Variants in NXPH2 observed in about 807,000 individuals in gnomAD.
NXPH2 encodes the protein neurexophilin 2, also known as neurexophilin-2.
In NXPH2, 5 loss-of-function variants were observed where a neutral mutation model predicts 19.8. The ratio of observed to expected loss-of-function variants is 0.25; its 90% CI spans 0.13 to 0.53. NXPH2 has a LOEUF of 0.53. Ranked by LOEUF, NXPH2 falls within the 20% of genes least tolerant of loss-of-function variation. NXPH2 has a pLI of 0.96. For synonymous variants in NXPH2, 154 were observed against 127.4 expected, an observed-to-expected ratio of 1.21 and a Z score of -1.41; for missense variants, 289 against 322.8, an observed-to-expected ratio of 0.90 and a Z score of 0.80.
At chr2:138,672,600 G>T (rs1680431267) in intron 1 of NXPH2, among the ~76,000 whole-genome samples, 1 of 152,160 alleles carries the variant, frequency 6.6e-6, no homozygotes, top group Non-Finnish European at 1.5e-5. Flanking sequence ...AATATTTATG[G>T]ATGATTTATA....
intron 1 of NXPH2, among the ~76,000 whole-genome samples, chr2:138,744,083 A>G (rs1681688876): frequency 6.6e-6 from 1 of 150,742 alleles, no homozygotes; most frequent in Non-Finnish European, 1.5e-5. Context: ...TAAATATCCT[A>G]CTCTCTTACT....
At chr2:138,777,751 C>T (rs1043844845) in intron 1 of NXPH2, among the ~76,000 whole-genome samples, 2 of 143,652 alleles carry the variant, frequency 1.4e-5, no homozygotes, top group Non-Finnish European at 3.0e-5. Flanking sequence ...TAAGTATGTT[C>T]TTCAGGCTGG....
intron 1 of NXPH2, among the ~76,000 whole-genome samples, chr2:138,686,860 T>C (rs1680664018): frequency 6.6e-6 from 1 of 152,190 alleles, no homozygotes; most frequent in Admixed American, 6.5e-5. Context: ...GCTTCATCCA[T>C]GTCCCTACAA....
At chr2:138,739,008 A>AT (rs926490505) in intron 1 of NXPH2, among the ~76,000 whole-genome samples, 105 of 151,522 alleles carry the variant, frequency 6.9e-4, no homozygotes, top group Middle Eastern at 3.4e-3. Flanking sequence ...AAACAGAGTT[A>AT]TTTTTTTTTG....
intron 1 of NXPH2, among the ~76,000 whole-genome samples, chr2:138,714,949 G>A (rs1011769241): frequency 2.0e-5 from 3 of 152,206 alleles, no homozygotes; most frequent in African/African-American, 7.2e-5. Flanking sequence ...AGAATTTCAT[G>A]AGTAGACACA....
chr2:138,758,870 GAATCTCTAT>G (rs1038907707), intron 1 of NXPH2, among the ~76,000 whole-genome samples: 1 of 152,172 alleles, frequency 6.6e-6, no homozygotes, highest in African/African-American at 2.4e-5. Context: ...ACAGCTGGTT[GAATCTCTAT>G]ATCACAATAT....
At chr2:138,744,943 G>A (rs536908718) in intron 1 of NXPH2, among the ~76,000 whole-genome samples, 17 of 152,310 alleles carry the variant, frequency 1.1e-4, no homozygotes, top group African/African-American at 2.9e-4. Flanking sequence ...TCTTAGCCAC[G>A]CAGGCTTTAG....
chr2:138,759,680 G>A (rs541030500), intron 1 of NXPH2, among the ~76,000 whole-genome samples: 4 of 151,760 alleles, frequency 2.6e-5, no homozygotes, highest in Non-Finnish European at 2.9e-5. Context: ...AAGACAAAGC[G>A]GGTATGGATA....
chr2:138,694,906 G>A (rs1017476274), intron 1 of NXPH2, among the ~76,000 whole-genome samples: 2 of 152,108 alleles, frequency 1.3e-5, no homozygotes, highest in Non-Finnish European at 2.9e-5. Flanking sequence ...AAATCATAGA[G>A]TGTACTACAT....
At chr2:138,711,603 T>C (rs1379674988) in intron 1 of NXPH2, among the ~76,000 whole-genome samples, 5 of 152,170 alleles carry the variant, frequency 3.3e-5, no homozygotes, top group Non-Finnish European at 5.9e-5. Flanking sequence ...CAGATTCTTT[T>C]ACTCAAACCT....
intron 1 of NXPH2, among the ~76,000 whole-genome samples, chr2:138,679,109 C>T (rs1346685815): frequency 2.0e-5 from 3 of 152,162 alleles, no homozygotes; most frequent in South Asian, 4.1e-4. Flanking sequence ...GGGTTGAATC[C>T]TGAACCGCAA....
chr2:138,737,182 A>G (rs1167174776), intron 1 of NXPH2, among the ~76,000 whole-genome samples: 1 of 152,116 alleles, frequency 6.6e-6, no homozygotes, highest in East Asian at 1.9e-4. Context: ...CCTGGTACCA[A>G]TTTGGTGTAT....
intron 1 of NXPH2, among the ~76,000 whole-genome samples, chr2:138,703,589 C>T (rs573770574): frequency 6.6e-5 from 10 of 152,266 alleles, no homozygotes; most frequent in Middle Eastern, 3.4e-3. Context: ...TCTAACCACA[C>T]TGAGCTTTAA....
intron 1 of NXPH2, among the ~76,000 whole-genome samples, chr2:138,770,009 A>G (rs1682152238): frequency 6.6e-6 from 1 of 152,248 alleles, no homozygotes; most frequent in South Asian, 2.1e-4. Flanking sequence ...AAGGATACAG[A>G]AACATGCATA....
At position 138,769,058 on chromosome 2, in the gene NXPH2, A is replaced by T. The variant is rs570295465; in HGVS notation, c.51+11133T>A. On this transcript the variant is annotated intron_variant, in intron 1 of 1. Transcript: ENST00000272641. ...GAGATTTAAGTCTGGGAAAGCCAGG[A>T]ATAAGAATTTAGACTCACTGTGTTC... is the stretch of plus-strand genomic sequence containing the variant. 2.0e-5 allele frequency among the ~76,000 whole-genome samples: 3 copies of T among 152,346 alleles called. No individual in the cohort carries two copies. The South Asian group carries it at 6.2e-4, about 32-fold the overall frequency.
At position 138,757,916 on chromosome 2, in the gene NXPH2, T is replaced by G. The variant is rs560753727; in HGVS notation, c.51+22275A>C. ...GAACCCTGACTGATACATACCTTAA[T>G]GAATTTTCTACCAAAGTCACGTTCC... On this transcript the variant is annotated intron_variant, in intron 1 of 1. Transcript: ENST00000272641. Among the ~76,000 whole-genome samples, 6 of 152,174 alleles carry G rather than the reference T, an allele frequency of 3.9e-5. No individual in the cohort carries two copies. The East Asian group carries it at 5.8e-4, about 15-fold the overall frequency.
At chr2:138,721,417 A>G (rs1452106134) in intron 1 of NXPH2, among the ~76,000 whole-genome samples, 2 of 152,096 alleles carry the variant, frequency 1.3e-5, no homozygotes, top group African/African-American at 2.4e-5. Flanking sequence ...TTCAATTGGA[A>G]AGAGTCTATA....
intron 1 of NXPH2, among the ~76,000 whole-genome samples, chr2:138,688,764 G>C (rs1159090423): frequency 6.6e-6 from 1 of 152,146 alleles, no homozygotes; most frequent in Non-Finnish European, 1.5e-5. Context: ...CTTCAAAACA[G>C]TTCATGGCAG....
chr2:138,705,414 T>A (rs964841586), intron 1 of NXPH2, among the ~76,000 whole-genome samples: 9 of 152,248 alleles, frequency 5.9e-5, no homozygotes, highest in African/African-American at 2.2e-4. Flanking sequence ...GAAAGCTTTT[T>A]ATAGTAAAGA....
Sources: allele counts gnomAD v4.1 joint callset (sites outside exome capture counted in the v4.1 genomes callset), GRCh38; gene constraint gnomAD v4.1.1; transcripts MANE v1.5; gene names NCBI Gene and HGNC (gene_info 2026-07-23, HGNC 2026-07-21).